The following DHX37 variants were observed in gnomAD, a reference collection of about 807,000 sequenced individuals.
The protein encoded by DHX37 is DEAH-box helicase 37.
In DHX37, 52 loss-of-function variants were observed where a neutral mutation model predicts 134.3. The observed-to-expected ratio is 0.39, with a 90% CI of 0.31 to 0.49. The LOEUF (loss-of-function observed/expected upper bound fraction) is 0.49, where lower values mean the gene tolerates loss of function less well. DHX37 is among the 20% of genes least tolerant of loss of function. The probability of loss-of-function intolerance (pLI) is 0.93; values close to 1 mark genes in which losing one functional copy is unlikely to be tolerated. For missense variants in DHX37, 1,344 were observed against 1,580.8 expected, an observed-to-expected ratio of 0.85 and a Z score of 2.54; for synonymous variants, 634 against 670.7, an observed-to-expected ratio of 0.95 and a Z score of 0.85.
intron 8 of DHX37, among the ~76,000 whole-genome samples, chr12:124,970,929 G>A (rs1204289373): frequency 6.6e-6 from 1 of 152,236 alleles, no homozygotes; most frequent in Non-Finnish European, 1.5e-5. Flanking sequence ...AGCTCCGGGA[G>A]CCTGGCCCTT....
chr12:124,976,911 G>T (rs893470609), intron 5 of DHX37, among the ~76,000 whole-genome samples: 33 of 151,544 alleles, frequency 2.2e-4, no homozygotes, highest in Non-Finnish European at 8.9e-5. Context: ...GCTGGGTGTG[G>T]TGGCGGGCGC....
At chr12:124,963,134 C>T (rs555935727) in intron 15 of DHX37, among the ~76,000 whole-genome samples, 14 of 152,300 alleles carry the variant, frequency 9.2e-5, no homozygotes, top group African/African-American at 3.4e-4. Flanking sequence ...AAACAAAACT[C>T]GGCACATCCA....
At chr12:124,970,818 C>T (rs1954503466) in intron 8 of DHX37, among the ~76,000 whole-genome samples, 1 of 152,080 alleles carries the variant, frequency 6.6e-6, no homozygotes, top group Non-Finnish European at 1.5e-5. Flanking sequence ...AGGCCTACTG[C>T]ATGAAGCCGC....
At chr12:124,961,497 T>C (rs926311748) in intron 15 of DHX37, among the ~76,000 whole-genome samples, 9 of 152,226 alleles carry the variant, frequency 5.9e-5, no homozygotes, top group African/African-American at 2.2e-4. Flanking sequence ...GGCATGATCT[T>C]GGCTCACTGC....
chr12:124,969,264 CTGAG>C (rs1214670727), intron 8 of DHX37, among the ~76,000 whole-genome samples: 2 of 152,160 alleles, frequency 1.3e-5, no homozygotes, highest in African/African-American at 4.8e-5. Context: ...CCAAGATTGA[CTGAG>C]TGTCTGTGCC....
rs1216396321 is a variant in DHX37 at position 124,982,556 on chromosome 12, G to C, written c.344C>G (p.Thr115Ser). Residue 115 changes from threonine to serine, a missense_variant, in exon 3 of 27, where the codon ACC (threonine) becomes AGC (serine). Around this residue, in one of 7 missense-constraint regions of DHX37, gnomAD observed 319 missense variants for 296.1 expected, o/e 1.08. Transcript: ENST00000308736. ...ASEAEMRLFY[T>S]TSKLGTGNRM... ...GTTCCCAGTGCCTAGCTTGGAAGTG[G>C]TATAAAAGAGTCTCATCTCAGCTTC... The C allele has an allele frequency of 1.9e-6, 3 of 1,613,658 alleles. No homozygotes were observed. The Admixed American group carries it at 5.0e-5, about 27-fold the overall frequency.
intron 4 of DHX37, 84 bp from the exon 5 acceptor site, chr12:124,977,574 TGGGTG>T: frequency 6.9e-7 from 1 of 1,452,002 alleles, no homozygotes; most frequent in Non-Finnish European, 9.1e-7. Context: ...AGCTGACACA[TGGGTG>T]CTGAACAGAT....
chr12:124,966,121 G>A (rs12830040), intron 12 of DHX37, among the ~76,000 whole-genome samples: 32,681 of 152,160 alleles, frequency 0.21, 4,356 homozygotes, highest in East Asian at 0.57. Context: ...TTACGCTACC[G>A]TCACGGAGCA....
chr12:124,947,262 G>A lies in DHX37; in HGVS notation c.*540C>T, dbSNP rs11608289. ...CCTGTTGCCATAACACAGGAAAGGCGTTGGCGGCCACCCTCCCAAGAAGGC... is the reference window on the plus strand; with the variant it reads ...CCTGTTGCCATAACACAGGAAAGGCATTGGCGGCCACCCTCCCAAGAAGGC... On this transcript the variant is annotated 3_prime_UTR_variant, in exon 27 of 27. Coordinates refer to ENST00000308736, the MANE Select transcript of DHX37 (RefSeq NM_032656.4). 0.01 allele frequency: 1,567 copies of A among 152,720 alleles called. 13 individuals are homozygous for A. The highest frequency in any genetic ancestry group is 0.034 in the Middle Eastern group (10 of 298). The allele number at this position is 152,720 out of a possible 1,614,324, so 9.5% of individuals were successfully genotyped here.
chr12:124,982,064 G>A (rs557566603), intron 3 of DHX37, among the ~76,000 whole-genome samples: 4 of 151,424 alleles, frequency 2.6e-5, no homozygotes, highest in South Asian at 2.1e-4. Flanking sequence ...TGGAGGTTGC[G>A]GTAAGCTGAG....
chr12:124,957,067 G>T lies in DHX37; in HGVS notation c.2226C>A (p.Ile742=). The T allele has an allele frequency of 6.6e-7, 1 of 1,504,006 alleles. No homozygotes were observed. The highest frequency in any genetic ancestry group is 8.8e-7 in the Non-Finnish European group (1 of 1,131,256). The allele number at this position is 1,504,006 out of a possible 1,614,324, so 93.2% of individuals were successfully genotyped here. A position where few individuals can be genotyped will look rare whatever the true frequency, so the allele number is the denominator to read the frequency against. ...EALLAAEELL[I]ALGALQPPQK... ...GGGGCGGTTGCAGGGCACCCAGTGC[G>T]ATCAACAGCTCCTCGGCGGCAAGAA... The change falls in exon 17 of 27, where the codon ATC becomes ATA. Residue 742 remains isoleucine (I), a synonymous_variant. Transcript: ENST00000308736.
Position 124,965,781 on chromosome 12 carries a change from G to C in DHX37, c.1622C>G (p.Ser541Trp). 1 of 1,613,926 alleles carries C rather than the reference G, an allele frequency of 6.2e-7. No individual in the cohort carries two copies. Among genetic ancestry groups the C allele is most frequent in the Non-Finnish European group, 8.5e-7 (1 of 1,179,902 alleles). The change falls in exon 13 of 27, where the codon TCG becomes TGG. Residue 541 changes from serine (S) to tryptophan (W), a missense_variant. Around this residue, in one of 7 missense-constraint regions of DHX37, gnomAD observed 289 missense variants for 323.8 expected, o/e 0.89. Coordinates refer to ENST00000308736, the MANE Select transcript of DHX37 (RefSeq NM_032656.4). ...ATCGCCTTCGCCTGCCGGTAACACC[G>C]AGTAATGATCCAAGTTGATCTGGGG... ...VLPQINLDHY[S>W]VLPAGEGDED...
rs1393451026 is a variant in DHX37 at position 124,953,930 on chromosome 12, T to C, written c.2645A>G (p.Tyr882Cys). The C allele has an allele frequency of 1.5e-5, 25 of 1,612,960 alleles. No homozygotes were observed. Among genetic ancestry groups the C allele is most frequent in the Non-Finnish European group, 2.1e-5 (25 of 1,179,842 alleles). ...GCGCCGGATCTCCATCATGGCTTTGTACCGCAGCCCGTTGGCTTCGCAAAA... is the reference window on the plus strand; with the variant it reads ...GCGCCGGATCTCCATCATGGCTTTGCACCGCAGCCCGTTGGCTTCGCAAAA... Reference protein sequence around the residue: ...PQFCEANGLRYKAMMEIRRLR... With the variant: ...PQFCEANGLRCKAMMEIRRLR... The change falls in exon 20 of 27, where the codon TAC becomes TGC. Residue 882 changes from tyrosine to cysteine, a missense_variant. Transcript: ENST00000308736.
At chr12:124,954,290 A>AG in intron 18 of DHX37, 79 bp from the exon 19 acceptor site, 1 of 1,503,134 alleles carries the variant, frequency 6.7e-7, no homozygotes, top group South Asian at 1.4e-5. Flanking sequence ...TCCTTTATTC[A>AG]TCGGGACAGG....
Position 124,953,769 on chromosome 12 carries a change from G to A in DHX37, c.2695+111C>T. 10 of 1,459,722 alleles carry A rather than the reference G, an allele frequency of 6.9e-6. No homozygotes were observed. In the South Asian group the frequency reaches 1.1e-4, roughly 16 times the overall value. 90.4% of individuals were successfully genotyped at this position (1,459,722 alleles called of 1,614,324 possible). A position where few individuals can be genotyped will look rare whatever the true frequency, so the allele number is the denominator to read the frequency against. On this transcript the variant is annotated intron_variant, in intron 20 of 26. Coordinates refer to ENST00000308736, the MANE Select transcript of DHX37 (RefSeq NM_032656.4). Reference sequence around the variant, plus strand: ...GATTTAGGGTTATAAATACATTTTGGTGCGTAGCAAGTTTGCAAACGTGGA... The same window carrying A: ...GATTTAGGGTTATAAATACATTTTGATGCGTAGCAAGTTTGCAAACGTGGA...
In DHX37 at chr12:124,980,627, G is replaced by A. The variant is rs1954738238; in HGVS notation, c.601C>T (p.Pro201Ser). Residue 201 changes from proline to serine, a missense_variant, in exon 4 of 27, where the codon CCA (proline) becomes TCA (serine). Pro to Ser is a moderately conservative substitution (Grantham distance 74). This residue lies in a region of DHX37 where 319 missense variants were observed against 296.1 expected (regional missense o/e 1.08). Coordinates refer to ENST00000308736, the MANE Select transcript of DHX37 (RefSeq NM_032656.4). This position sits in a 1 kb window ranked among gnomAD's most constrained non-coding sequence, Gnocchi z 5.3. ...GGCTGACTGCTGGGTGCTGGAGCTG[G>A]CGGCAGAGGTGCCACGGTGGTCCCC... is the stretch of plus-strand genomic sequence containing the variant. Reference protein sequence around the residue: ...GVGTTVAPLPPAPAPSSQPVP... With the variant: ...GVGTTVAPLPSAPAPSSQPVP... The A allele has an allele frequency of 4.4e-6, 7 of 1,608,326 alleles. No individual in the cohort carries two copies. The highest frequency in any genetic ancestry group is 5.1e-6 in the Non-Finnish European group (6 of 1,179,476).
At chr12:124,977,638 G>A in intron 4 of DHX37, 148 bp from the exon 5 acceptor site, 1 of 854,436 alleles carries the variant, frequency 1.2e-6, no homozygotes, top group Non-Finnish European at 1.6e-6. Context: ...GGGACCAGGA[G>A]CCATGGTCCA....
In DHX37 at chr12:124,949,226, C is replaced by T. The variant is rs1039715091; in HGVS notation, c.3290+760G>A. 5.3e-5 allele frequency among the ~76,000 whole-genome samples: 8 copies of T among 152,222 alleles called. No homozygotes were observed. Among genetic ancestry groups the T allele is most frequent in the East Asian group, 3.8e-4 (2 of 5,202 alleles). On this transcript the variant is annotated intron_variant, in intron 25 of 26. Transcript: ENST00000308736. This position sits in a 1 kb window ranked among gnomAD's most constrained non-coding sequence, Gnocchi z 4.0. Reference sequence around the variant, plus strand: ...GAAAACGTGAGCTGAGTGACTGACACGGCTCCTGACAGCCCAGCAGCGGGT... The same window carrying T: ...GAAAACGTGAGCTGAGTGACTGACATGGCTCCTGACAGCCCAGCAGCGGGT...
intron 15 of DHX37, among the ~76,000 whole-genome samples, chr12:124,961,151 C>G (rs544463496): frequency 6.6e-6 from 1 of 151,368 alleles, no homozygotes; most frequent in Non-Finnish European, 1.5e-5. Flanking sequence ...CGTGCACGCA[C>G]GCACACACAC....
Sources: allele counts gnomAD v4.1 joint callset (sites outside exome capture counted in the v4.1 genomes callset), GRCh38; gene constraint gnomAD v4.1.1; regional missense constraint gnomAD v4.1.1; non-coding constraint Gnocchi (gnomAD v3.1); transcripts MANE v1.5; gene names NCBI Gene and HGNC (gene_info 2026-07-23, HGNC 2026-07-21).